The following VWA8 variants were observed in gnomAD, a reference collection of about 807,000 sequenced individuals.
VWA8 encodes the protein von Willebrand factor A domain-containing protein 8.
In VWA8, 221 loss-of-function variants were observed where a neutral mutation model predicts 241.5. The ratio of observed to expected loss-of-function variants is 0.91; its 90% CI spans 0.82 to 1.02. The LOEUF (loss-of-function observed/expected upper bound fraction) is 1.02, where lower values mean the gene tolerates loss of function less well. Ranked by LOEUF, VWA8 falls within the 50% of genes least tolerant of loss-of-function variation. The pLI is 0.00. For missense variants in VWA8, 2,322 were observed against 2,328.7 expected (o/e 1.00, Z 0.06); for synonymous variants, 852 against 827.1 (o/e 1.03, Z -0.52).
intron 5 of VWA8, among the ~76,000 whole-genome samples, chr13:41,887,818 G>T (rs191624424): frequency 1.4e-3 from 206 of 152,278 alleles, no homozygotes; most frequent in Non-Finnish European, 2.1e-3. Flanking sequence ...ACATGTTTTG[G>T]AAACTTACTA....
At chr13:41,697,457 C>T (rs2045222493) in intron 29 of VWA8, among the ~76,000 whole-genome samples, 1 of 152,198 alleles carries the variant, frequency 6.6e-6, no homozygotes, top group African/African-American at 2.4e-5. Context: ...TGGCCCCCAA[C>T]CTTTTTGGCA....
chr13:41,866,960 T>C (rs539853056), intron 10 of VWA8, among the ~76,000 whole-genome samples: 6 of 152,198 alleles, frequency 3.9e-5, no homozygotes, highest in African/African-American at 1.4e-4. Flanking sequence ...CAAGGAGCCA[T>C]GTTCTGATGA....
intron 2 of VWA8, among the ~76,000 whole-genome samples, chr13:41,930,219 T>G (rs914484429): frequency 1.3e-5 from 2 of 152,000 alleles, no homozygotes; most frequent in Non-Finnish European, 2.9e-5. Flanking sequence ...TATCAAAAAA[T>G]CAAAAGATAA....
intron 12 of VWA8, among the ~76,000 whole-genome samples, chr13:41,835,189 G>A (rs1306561802): frequency 3.3e-5 from 5 of 152,124 alleles, no homozygotes; most frequent in Non-Finnish European, 5.9e-5. Flanking sequence ...CATGGCACAC[G>A]TTTACCCATG....
intron 2 of VWA8, among the ~76,000 whole-genome samples, chr13:41,945,530 A>G (rs1318172871): frequency 6.6e-6 from 1 of 152,184 alleles, no homozygotes; most frequent in Non-Finnish European, 1.5e-5. Flanking sequence ...AATCATGTCT[A>G]AAGAAGTATG....
intron 17 of VWA8, among the ~76,000 whole-genome samples, chr13:41,789,632 T>TA (rs1459408261): frequency 6.6e-6 from 1 of 152,152 alleles, no homozygotes; most frequent in African/African-American, 2.4e-5. Context: ...ATAGGATCTT[T>TA]AGATTAAGGA....
rs538828530 is a variant in VWA8 at position 41,781,697 on chromosome 13, G to T, written c.2277+2098C>A. ...ACTTCTCCTCCTTACTGCTGCAAAT[G>T]TAATATTCCTTAATGGAAGGCTTAA... On this transcript the variant is annotated intron_variant, in intron 19 of 44. Transcript: ENST00000379310. Among the ~76,000 whole-genome samples the T allele has an allele frequency of 2.6e-5, 4 of 152,254 alleles. No individual in the cohort carries two copies. In the South Asian group the frequency reaches 8.3e-4, roughly 32 times the overall value.
intron 37 of VWA8, among the ~76,000 whole-genome samples, chr13:41,651,805 A>G (rs936435579): frequency 2.6e-5 from 4 of 152,094 alleles, no homozygotes; most frequent in African/African-American, 9.7e-5. Context: ...AACCTAAGGG[A>G]CTCTTCTAGA....
At position 41,595,082 on chromosome 13, in the gene VWA8, G is replaced by A. The variant is rs79341806; in HGVS notation, c.4987-4317C>T. ...TTCAAGTACCATGAAGGACTATTAG[G>A]CCCTGTCAAAAAATTCAAGGAAAGC... On this transcript the variant is annotated intron_variant, in intron 40 of 44. Transcript: ENST00000379310. Among the ~76,000 whole-genome samples the A allele has an allele frequency of 5.4e-3, 820 of 152,250 alleles. 14 individuals carry two copies. Among genetic ancestry groups the A allele is most frequent in the African/African-American group, 0.019 (785 of 41,558 alleles).
At chr13:41,923,921 T>C (rs934966906) in intron 2 of VWA8, among the ~76,000 whole-genome samples, 7 of 152,072 alleles carry the variant, frequency 4.6e-5, no homozygotes, top group Non-Finnish European at 7.4e-5. Flanking sequence ...TCTGTAAAGT[T>C]TGGAAGAGGT....
intron 37 of VWA8, among the ~76,000 whole-genome samples, chr13:41,621,131 A>G (rs2044654404): frequency 6.6e-6 from 1 of 152,220 alleles, no homozygotes; most frequent in Non-Finnish European, 1.5e-5. Context: ...AATAGAAATC[A>G]TACTTCAATT....
At chr13:41,895,836 T>TC (rs1183299431) in intron 4 of VWA8, among the ~76,000 whole-genome samples, 87 of 151,026 alleles carry the variant, frequency 5.8e-4, no homozygotes, top group African/African-American at 2.0e-3. Flanking sequence ...ATTTTCTTTT[T>TC]TTTTTTTTTT....
At chr13:41,889,697 C>A (rs10507501) in intron 5 of VWA8, among the ~76,000 whole-genome samples, 1 of 152,126 alleles carries the variant, frequency 6.6e-6, no homozygotes, top group East Asian at 1.9e-4. Context: ...TCTTTTGACT[C>A]GCATATCCTG....
Position 41,729,689 on chromosome 13 carries a change from G to A in VWA8, c.2503-12C>T. The stretch of plus-strand genomic sequence containing the variant: ...TTTACTGCTTTAACCTTTGACGACA[G>A]AAAATTTATCATAAACAATTAAATG... On this transcript the variant is annotated splice_polypyrimidine_tract_variant and intron_variant, in intron 22 of 44. Coordinates refer to ENST00000379310, the MANE Select transcript of VWA8 (RefSeq NM_015058.2). The A allele has an allele frequency of 6.3e-7, 1 of 1,599,854 alleles. No homozygotes were observed. Among genetic ancestry groups the A allele is most frequent in the Non-Finnish European group, 8.5e-7 (1 of 1,175,502 alleles).
chr13:41,844,796 CAA>C (rs58119854), intron 12 of VWA8, among the ~76,000 whole-genome samples: 1 of 140,982 alleles, frequency 7.1e-6, no homozygotes, highest in Non-Finnish European at 1.6e-5. Flanking sequence ...CAATAGCTGC[CAA>C]AAAAAAAAAG....
chr13:41,904,973 TA>T (rs1346249585), intron 4 of VWA8: 19 of 152,200 alleles, frequency 1.2e-4, no homozygotes, highest in African/African-American at 4.6e-4. Flanking sequence ...ATTCTAAAAA[TA>T]AATATAAGCT....
At chr13:41,943,437 G>T (rs934552734) in intron 2 of VWA8, among the ~76,000 whole-genome samples, 1 of 151,832 alleles carries the variant, frequency 6.6e-6, no homozygotes, top group Admixed American at 6.6e-5. Flanking sequence ...AAAATTCTTA[G>T]GAAAAAAACA....
intron 21 of VWA8, among the ~76,000 whole-genome samples, chr13:41,733,262 C>T (rs942826040): frequency 3.3e-5 from 5 of 152,120 alleles, no homozygotes; most frequent in Admixed American, 2.0e-4. Flanking sequence ...ATAAACTTAA[C>T]GTCATCAAAT....
At chr13:41,703,729 G>T (rs1285748483) in intron 26 of VWA8, among the ~76,000 whole-genome samples, 1 of 151,630 alleles carries the variant, frequency 6.6e-6, no homozygotes, top group Non-Finnish European at 1.5e-5. Context: ...GTAGAGTATA[G>T]GAAAACTTTT....
Sources: allele counts gnomAD v4.1 joint callset (sites outside exome capture counted in the v4.1 genomes callset), GRCh38; gene constraint gnomAD v4.1.1; transcripts MANE v1.5; gene names NCBI Gene and HGNC (gene_info 2026-07-23, HGNC 2026-07-21).